Variants in SNX24 observed in about 807,000 individuals in gnomAD.
SNX24 encodes the protein sorting nexin 24, also known as sorting nexin-24.
SNX24 carries 22 observed loss-of-function variants against 28.7 expected under a neutral mutation model. The ratio of observed to expected loss-of-function variants is 0.77; its 90% confidence interval spans 0.55 to 1.10. SNX24 has a LOEUF of 1.10. SNX24 is among the 50% of genes least tolerant of loss of function. The pLI, the probability that SNX24 is intolerant of heterozygous loss-of-function variation, is 0.00. For synonymous variants in SNX24, 69 were observed against 71.5 expected, an observed-to-expected ratio of 0.96 and a Z score of 0.18; for missense variants, 221 against 201.1, an observed-to-expected ratio of 1.10 and a Z score of -0.60.
At chr5:122,981,489 A>G (rs906852630) in intron 3 of SNX24, among the ~76,000 whole-genome samples, 1 of 152,230 alleles carries the variant, frequency 6.6e-6, no homozygotes, top group Non-Finnish European at 1.5e-5. Context: ...TATACCATTA[A>G]ATCATTTTTA....
At chr5:122,925,770 A>C (rs1423500983) in intron 1 of SNX24, among the ~76,000 whole-genome samples, 1 of 152,092 alleles carries the variant, frequency 6.6e-6, no homozygotes, top group East Asian at 1.9e-4. Context: ...TATTCTTCCC[A>C]ATTTGTTGTC....
intron 1 of SNX24, among the ~76,000 whole-genome samples, chr5:122,921,151 C>CT (rs200873407): frequency 9.2e-4 from 134 of 145,738 alleles, no homozygotes; most frequent in Middle Eastern, 3.5e-3. Context: ...CTGTAGCCTG[C>CT]TTTTTTTTTT....
chr5:123,028,809 T>C, intron 5 of SNX24: 3 of 1,613,862 alleles, frequency 1.9e-6, no homozygotes, highest in Non-Finnish European at 2.5e-6. Context: ...TGTCACCTCC[T>C]TGAATCATGA....
In SNX24 at chr5:122,882,794, C is replaced by A. The variant is rs957516736; in HGVS notation, c.60+37101C>A. Among the ~76,000 whole-genome samples the A allele has an allele frequency of 2.6e-5, 4 of 152,048 alleles. No homozygotes were observed. In the East Asian group the frequency reaches 7.7e-4, roughly 29 times the overall value. On this transcript the variant is annotated intron_variant, in intron 1 of 6. Transcript: ENST00000261369. ...TCTCTGTCTGTAAATGTCAATTTTT[C>A]AGCTCACTGGCTTTTAAATTATGAA...
intron 3 of SNX24, among the ~76,000 whole-genome samples, chr5:122,967,011 C>G (rs1231599399): frequency 6.6e-6 from 1 of 152,162 alleles, no homozygotes; most frequent in Non-Finnish European, 1.5e-5. Context: ...AATATTCTTT[C>G]AGGAACCATC....
intron 3 of SNX24, among the ~76,000 whole-genome samples, chr5:122,974,421 G>A (rs1230764016): frequency 2.0e-5 from 3 of 152,230 alleles, no homozygotes; most frequent in African/African-American, 7.2e-5. Flanking sequence ...ATCGAGAGTT[G>A]TTGTACGCTG....
chr5:122,973,562 G>A (rs1177280239), intron 3 of SNX24, among the ~76,000 whole-genome samples: 2 of 152,202 alleles, frequency 1.3e-5, no homozygotes, highest in Non-Finnish European at 2.9e-5. Flanking sequence ...GGAACCATGG[G>A]CATTTGAGCC....
chr5:122,938,469 GT>G (rs1311569894), intron 2 of SNX24, among the ~76,000 whole-genome samples: 4 of 152,188 alleles, frequency 2.6e-5, no homozygotes, highest in Admixed American at 2.6e-4. Context: ...TGGCAGCCTT[GT>G]TAAAATATTT....
At chr5:122,904,096 G>A (rs754573083) in intron 1 of SNX24, among the ~76,000 whole-genome samples, 3 of 151,880 alleles carry the variant, frequency 2.0e-5, no homozygotes, top group Non-Finnish European at 2.9e-5. Context: ...GTTTAACATC[G>A]TTTTAGCCCC....
Position 123,001,410 on chromosome 5 carries a change from T to C in SNX24, c.350T>C (p.Phe117Ser). Residue 117 changes from phenylalanine (F) to serine (S), a missense_variant, in exon 5 of 7, where the codon TTT becomes TCT. Phe to Ser is a radical substitution (Grantham distance 155). Coordinates refer to ENST00000261369, the MANE Select transcript of SNX24 (RefSeq NM_014035.4). ...TCCTTTTTCAAAACTTTTAGATCTT[T>C]TGATGAAACAGAGTCTGAAGAGTCA... is the stretch of plus-strand genomic sequence containing the variant. The part of the protein sequence containing the change: ...SLPKAESCGS[F>S]DETESEESSK... 6.2e-7 allele frequency: 1 copy of C among 1,604,434 alleles called. No individual in the cohort carries two copies. Among genetic ancestry groups the C allele is most frequent in the Non-Finnish European group, 8.5e-7 (1 of 1,172,242 alleles).
chr5:122,994,994 G>A (rs902772078), intron 3 of SNX24, among the ~76,000 whole-genome samples: 6 of 151,882 alleles, frequency 4.0e-5, no homozygotes, highest in African/African-American at 7.3e-5. Context: ...CATTTCCTAC[G>A]TGCACCATAA....
At chr5:122,925,579 A>G (rs923925882) in intron 1 of SNX24, among the ~76,000 whole-genome samples, 2 of 151,894 alleles carry the variant, frequency 1.3e-5, no homozygotes, top group Non-Finnish European at 2.9e-5. Context: ...CTTTATTTTC[A>G]TAGCTTTTGG....
intron 1 of SNX24, among the ~76,000 whole-genome samples, chr5:122,900,743 T>A (rs1399033438): frequency 6.6e-6 from 1 of 152,132 alleles, no homozygotes; most frequent in African/African-American, 2.4e-5. Flanking sequence ...CACTCCAGCC[T>A]GGGTGACAGA....
chr5:123,002,783 G>C (rs1762289743), intron 6 of SNX24, among the ~76,000 whole-genome samples: 1 of 152,216 alleles, frequency 6.6e-6, no homozygotes, highest in African/African-American at 2.4e-5. Flanking sequence ...TTTTCTCTGT[G>C]CAAAGAAATT....
At chr5:123,024,144 G>GAC (rs144851383) in intron 5 of SNX24, 819,159 of 839,766 alleles carry the variant, frequency 0.98, 399,911 homozygotes, top group East Asian at 1. Context: ...TGACTACTAA[G>GAC]CGTTTTTTAT....
chr5:122,883,017 G>A (rs1756549463), intron 1 of SNX24, among the ~76,000 whole-genome samples: 1 of 152,134 alleles, frequency 6.6e-6, no homozygotes, highest in Admixed American at 6.6e-5. Context: ...GAGCCACAGA[G>A]AAAGCAAAAG....
chr5:122,968,334 G>A (rs544235442), intron 3 of SNX24, among the ~76,000 whole-genome samples: 100 of 152,244 alleles, frequency 6.6e-4, no homozygotes, highest in Middle Eastern at 3.4e-3. Context: ...GCAACAGAGC[G>A]AGACTCCATC....
intron 3 of SNX24, among the ~76,000 whole-genome samples, chr5:122,995,070 A>G (rs1035181626): frequency 2.0e-5 from 3 of 152,196 alleles, no homozygotes; most frequent in Non-Finnish European, 4.4e-5. Flanking sequence ...TCTTTAGTGC[A>G]TTTCTCTGTT....
At chr5:122,962,084 G>A (rs1456562973) in intron 3 of SNX24, among the ~76,000 whole-genome samples, 1 of 152,092 alleles carries the variant, frequency 6.6e-6, no homozygotes, top group African/African-American at 2.4e-5. Context: ...ACAACGTATG[G>A]CATTTCCTTT....
Sources: allele counts gnomAD v4.1 joint callset (sites outside exome capture counted in the v4.1 genomes callset), GRCh38; gene constraint gnomAD v4.1.1; transcripts MANE v1.5; gene names NCBI Gene and HGNC (gene_info 2026-07-23, HGNC 2026-07-21).